CDC5L: variants seen among roughly 807,000 people sequenced by gnomAD.
CDC5L encodes cell division cycle 5-like protein.
A neutral mutation model predicts 104.1 loss-of-function variants in CDC5L; 18 were observed. The ratio of observed to expected loss-of-function variants is 0.17; its 90% confidence interval spans 0.12 to 0.26. CDC5L has a LOEUF of 0.26. Among genes scored for constraint, CDC5L ranks in the 10% least tolerant of loss-of-function variants. The pLI, the probability that CDC5L is intolerant of heterozygous loss-of-function variation, is 1.00. For synonymous variants in CDC5L, 331 were observed against 322.7 expected, an observed-to-expected ratio of 1.03 and a Z score of -0.28; for missense variants, 673 against 956.9, an observed-to-expected ratio of 0.70 and a Z score of 3.91.
chr6:44,431,568 C>A lies in CDC5L; in HGVS notation c.2091+1658C>A, dbSNP rs913345603. 3.3e-5 allele frequency among the ~76,000 whole-genome samples: 5 copies of A among 152,168 alleles called. No individual in the cohort carries two copies. In the East Asian group the frequency reaches 9.7e-4, roughly 29 times the overall value. On this transcript the variant is annotated intron_variant, in intron 14 of 15. Coordinates refer to ENST00000371477, the MANE Select transcript of CDC5L (RefSeq NM_001253.4). ...TCTTCTCATTTGAGGTGGGTAAACT[C>A]TTTTTGCCGCAAATGGCAAGAACAT...
intron 14 of CDC5L, among the ~76,000 whole-genome samples, chr6:44,431,093 G>C (rs895083911): frequency 6.6e-6 from 1 of 152,150 alleles, no homozygotes; most frequent in Non-Finnish European, 1.5e-5. Flanking sequence ...GGCTGTATGG[G>C]GCTGAGGAAA....
intron 7 of CDC5L, 98 bp from the exon 8 acceptor site, chr6:44,408,346 C>A: frequency 1.2e-6 from 1 of 856,060 alleles, no homozygotes; most frequent in Non-Finnish European, 1.8e-6. Context: ...AAACAGTTTG[C>A]CCTCCTCGGC....
At chr6:44,387,953 A>G in intron 1 of CDC5L, 85 bp downstream of exon 1, 5 of 1,347,780 alleles carry the variant, frequency 3.7e-6, no homozygotes, top group Non-Finnish European at 5.2e-6. Context: ...GGGGGCGACG[A>G]GGAGACCCTG....
chr6:44,444,590 G>A (rs1793360733), intron 14 of CDC5L, among the ~76,000 whole-genome samples: 1 of 152,000 alleles, frequency 6.6e-6, no homozygotes, highest in South Asian at 2.1e-4. Context: ...GTCAAGTAGC[G>A]ACTGGAAGAG....
chr6:44,432,184 C>A (rs1156549090), intron 14 of CDC5L, among the ~76,000 whole-genome samples: 1 of 152,140 alleles, frequency 6.6e-6, no homozygotes, highest in Non-Finnish European at 1.5e-5. Flanking sequence ...TTTGAAGACA[C>A]AGTTCTATTG....
rs984687856 is a variant in CDC5L at position 44,447,369 on chromosome 6, ATTTTC to A, written c.*661_*665del. 1.1e-4 allele frequency: 17 copies of A among 152,064 alleles called. No homozygotes were observed. The highest frequency in any genetic ancestry group is 4.1e-4 in the African/African-American group (17 of 41,394). The allele number at this position is 152,064 out of a possible 1,614,324, so 9.4% of individuals were successfully genotyped here. A position where few individuals can be genotyped will look rare whatever the true frequency, so the allele number is the denominator to read the frequency against. On this transcript the variant is annotated 3_prime_UTR_variant, in exon 16 of 16. Transcript: ENST00000371477. Reference sequence around the variant, plus strand: ...AAAGATTTAACTTCCTTGCCCCATTATTTTCTTATAAGTATTTTTTGACAAAGGCA... The same window carrying A: ...AAAGATTTAACTTCCTTGCCCCATTATTATAAGTATTTTTTGACAAAGGCA...
rs1398831913 is a variant in CDC5L, at chr6:44,408,989, T to C, written c.1092+357T>C. Among the ~76,000 whole-genome samples the C allele has an allele frequency of 2.6e-5, 4 of 152,234 alleles. 1 individual carries two copies. The highest frequency in any genetic ancestry group is 5.9e-5 in the Non-Finnish European group (4 of 68,046). ...TTTCTGTACTTAGCTTCACATAGTG[T>C]GCCCGCAGTTCTACTTTCTTCCCTC... On this transcript the variant is annotated intron_variant, in intron 8 of 15. Transcript: ENST00000371477.
chr6:44,395,662 T>C (rs936770535), intron 4 of CDC5L, among the ~76,000 whole-genome samples: 3 of 152,188 alleles, frequency 2.0e-5, no homozygotes, highest in Non-Finnish European at 4.4e-5. Context: ...AATAGAAATA[T>C]CAGGGCTTCT....
At chr6:44,394,128 G>T (rs1287685416) in intron 4 of CDC5L, among the ~76,000 whole-genome samples, 3 of 152,156 alleles carry the variant, frequency 2.0e-5, no homozygotes, top group Non-Finnish European at 4.4e-5. Context: ...GGTGGTATGT[G>T]CCTGTAGTGC....
intron 4 of CDC5L, 23 bp downstream of exon 4, chr6:44,393,596 T>A: frequency 6.2e-7 from 1 of 1,602,650 alleles, no homozygotes; most frequent in African/African-American, 1.3e-5. Context: ...TTTGAGGAAT[T>A]TATTTCTTTG....
chr6:44,437,254 G>A (rs1380578051), intron 14 of CDC5L, among the ~76,000 whole-genome samples: 1 of 152,144 alleles, frequency 6.6e-6, no homozygotes, highest in Non-Finnish European at 1.5e-5. Flanking sequence ...GCTTGAAAAA[G>A]ACCAGAAACT....
intron 7 of CDC5L, 90 bp from the exon 8 acceptor site, chr6:44,408,354 G>A (rs769584179): frequency 1.6e-5 from 16 of 984,838 alleles, no homozygotes; most frequent in East Asian, 2.7e-5. Context: ...TGCCCTCCTC[G>A]GCCTCCCAGA....
intron 4 of CDC5L, among the ~76,000 whole-genome samples, chr6:44,393,902 G>A (rs544311793): frequency 6.6e-6 from 1 of 152,170 alleles, no homozygotes; most frequent in African/African-American, 2.4e-5. Context: ...CTGGGCTTAA[G>A]CTATCCTCCC....
At chr6:44,424,621 A>G (rs1004702306) in intron 11 of CDC5L, 38 bp downstream of exon 11, 3 of 1,601,052 alleles carry the variant, frequency 1.9e-6, no homozygotes, top group Non-Finnish European at 2.6e-6. Flanking sequence ...AGTTTGGCTG[A>G]ATGTGTCAGT....
At chr6:44,436,542 G>A (rs1792947654) in intron 14 of CDC5L, among the ~76,000 whole-genome samples, 1 of 152,130 alleles carries the variant, frequency 6.6e-6, no homozygotes, top group South Asian at 2.1e-4. Flanking sequence ...GATTTGTGGT[G>A]TATGGTCTTG....
intron 14 of CDC5L, among the ~76,000 whole-genome samples, chr6:44,442,352 T>G (rs1345680813): frequency 6.6e-6 from 1 of 150,792 alleles, no homozygotes; most frequent in East Asian, 1.9e-4. Context: ...ATTCCTCCTC[T>G]CTTGCTTGTG....
intron 8 of CDC5L, among the ~76,000 whole-genome samples, chr6:44,414,382 C>CTGTGTGTGTGTGTG (rs58800666): frequency 1.5e-5 from 2 of 130,000 alleles, no homozygotes; most frequent in East Asian, 2.3e-4. Context: ...CTGGCCTGGC[C>CTGTGTGTGTGTGTG]TGTGTGTGTG....
In CDC5L at chr6:44,413,062, G is replaced by A. The variant is rs575812925; in HGVS notation, c.1092+4430G>A. Among the ~76,000 whole-genome samples, 10 of 152,170 alleles carry A rather than the reference G, an allele frequency of 6.6e-5. No individual in the cohort carries two copies. The South Asian group carries it at 1.2e-3, about 19-fold the overall frequency. On this transcript the variant is annotated intron_variant, in intron 8 of 15. Transcript: ENST00000371477. ...CTCCCAAAGTGCTGGGATTACAGGCGTGAGCCACCGCGCCCGGCCCAATTT... is the reference window on the plus strand; with the variant it reads ...CTCCCAAAGTGCTGGGATTACAGGCATGAGCCACCGCGCCCGGCCCAATTT...
At chr6:44,413,429 G>C (rs547337410) in intron 8 of CDC5L, among the ~76,000 whole-genome samples, 2 of 152,260 alleles carry the variant, frequency 1.3e-5, no homozygotes, top group South Asian at 4.1e-4. Context: ...CCTTTTGACT[G>C]TTAGGAATAA....
Sources: gnomAD v4.1 joint callset for allele counts (sites outside exome capture counted in the v4.1 genomes callset) on GRCh38, gnomAD v4.1.1 for gene constraint, MANE v1.5 for transcripts, NCBI Gene and HGNC (gene_info 2026-07-23, HGNC 2026-07-21) for gene names.